Variants in SGCZ observed in about 807,000 individuals in gnomAD.
SGCZ encodes sarcoglycan zeta.
Under a neutral mutation model 41.3 loss-of-function variants are expected in SGCZ, and 40 were observed. The ratio of observed to expected loss-of-function variants is 0.97; its 90% CI spans 0.75 to 1.26. The LOEUF (loss-of-function observed/expected upper bound fraction) is 1.26. Among genes scored for constraint, SGCZ ranks in the 50% most tolerant of loss-of-function variants. The probability of loss-of-function intolerance (pLI) is 0.00; values close to 1 mark genes in which losing one functional copy is unlikely to be tolerated. For missense variants in SGCZ, 552 were observed against 369.8 expected, an observed-to-expected ratio of 1.49 and a Z score of -4.04; for synonymous variants, 206 against 137.5, an observed-to-expected ratio of 1.50 and a Z score of -3.49.
chr8:14,881,374 T>C (rs1804582215), intron 1 of SGCZ, among the ~76,000 whole-genome samples: 2 of 152,124 alleles, frequency 1.3e-5, no homozygotes, highest in Admixed American at 6.6e-5. Flanking sequence ...TCGACCCCCA[T>C]ACACCATGTC....
intron 4 of SGCZ, among the ~76,000 whole-genome samples, chr8:14,165,535 T>C (rs1228354516): frequency 6.6e-6 from 1 of 152,134 alleles, no homozygotes; most frequent in Non-Finnish European, 1.5e-5. Context: ...CAGTAATTCA[T>C]CTTCCCATAA....
At chr8:14,120,031 G>A (rs925213886) in intron 5 of SGCZ, among the ~76,000 whole-genome samples, 1 of 151,994 alleles carries the variant, frequency 6.6e-6, no homozygotes, top group African/African-American at 2.4e-5. Context: ...TTCTTTTTCT[G>A]TGTGTGTCTC....
At chr8:15,070,833 G>C (rs1805325340) in intron 1 of SGCZ, among the ~76,000 whole-genome samples, 1 of 152,162 alleles carries the variant, frequency 6.6e-6, no homozygotes, top group South Asian at 2.1e-4. Flanking sequence ...TAGTAGCATA[G>C]TAGAAAAAGC....
intron 5 of SGCZ, among the ~76,000 whole-genome samples, chr8:14,128,376 A>G (rs562026272): frequency 2.0e-5 from 3 of 152,246 alleles, no homozygotes; most frequent in Non-Finnish European, 4.4e-5. Context: ...ACCGTTCGGA[A>G]CAGCTACTAT....
At chr8:14,688,469 T>G (rs1808690238) in intron 1 of SGCZ, among the ~76,000 whole-genome samples, 1 of 152,158 alleles carries the variant, frequency 6.6e-6, no homozygotes, top group Non-Finnish European at 1.5e-5. Flanking sequence ...CCCCATTGCT[T>G]GTTTTTCTCA....
chr8:15,101,438 A>C (rs1439101149), intron 1 of SGCZ, among the ~76,000 whole-genome samples: 1 of 152,220 alleles, frequency 6.6e-6, no homozygotes, highest in Non-Finnish European at 1.5e-5. Context: ...AAAAACATGA[A>C]AAGATGTTAC....
At chr8:14,258,252 G>T (rs960015621) in intron 3 of SGCZ, among the ~76,000 whole-genome samples, 2 of 124,446 alleles carry the variant, frequency 1.6e-5, no homozygotes, top group Admixed American at 1.6e-4. Context: ...AACTAGGTCT[G>T]TCCTTGTGAG....
intron 1 of SGCZ, among the ~76,000 whole-genome samples, chr8:14,930,911 T>C (rs1034331196): frequency 6.6e-6 from 1 of 151,938 alleles, no homozygotes. Context: ...AAATACCTAC[T>C]TTAGATGACA....
At chr8:15,182,090 G>C (rs1800196931) in intron 1 of SGCZ, among the ~76,000 whole-genome samples, 1 of 152,114 alleles carries the variant, frequency 6.6e-6, no homozygotes, top group South Asian at 2.1e-4. Context: ...TCATGGAAGA[G>C]TAAATATCTT....
At chr8:14,201,015 T>C (rs1258934063) in intron 4 of SGCZ, among the ~76,000 whole-genome samples, 1 of 152,096 alleles carries the variant, frequency 6.6e-6, no homozygotes, top group East Asian at 1.9e-4. Context: ...GGTATGCAGA[T>C]GGAAAACAAA....
chr8:14,587,204 G>A (rs1046283744), intron 1 of SGCZ, among the ~76,000 whole-genome samples: 5 of 151,634 alleles, frequency 3.3e-5, no homozygotes, highest in African/African-American at 9.7e-5. Flanking sequence ...TTACACAATT[G>A]CTAAATGATA....
intron 2 of SGCZ, among the ~76,000 whole-genome samples, chr8:14,377,110 A>C (rs750662439): frequency 1.1e-4 from 17 of 152,212 alleles, no homozygotes; most frequent in Non-Finnish European, 2.4e-4. Flanking sequence ...GGTTGCAAGA[A>C]GAACGAACAA....
intron 2 of SGCZ, among the ~76,000 whole-genome samples, chr8:14,372,249 G>C (rs979584828): frequency 6.6e-6 from 1 of 152,126 alleles, no homozygotes; most frequent in Non-Finnish European, 1.5e-5. Context: ...CGAAACAGAA[G>C]TCTCTTAGTA....
intron 1 of SGCZ, among the ~76,000 whole-genome samples, chr8:14,928,335 A>G (rs1475768870): frequency 1.3e-5 from 2 of 152,184 alleles, no homozygotes; most frequent in Non-Finnish European, 2.9e-5. Context: ...TTTTGTTTCC[A>G]TAAATATGTC....
At chr8:14,517,099 G>A (rs1802645263) in intron 2 of SGCZ, among the ~76,000 whole-genome samples, 1 of 151,920 alleles carries the variant, frequency 6.6e-6, no homozygotes, top group Admixed American at 6.6e-5. Flanking sequence ...CAGATTTCTT[G>A]TACAAAACAA....
intron 5 of SGCZ, among the ~76,000 whole-genome samples, chr8:14,109,753 A>G (rs1253336994): frequency 6.6e-6 from 1 of 152,218 alleles, no homozygotes; most frequent in African/African-American, 2.4e-5. Context: ...TAATATAGCA[A>G]TACAGACCTT....
At chr8:14,524,285 G>C (rs78266707) in intron 2 of SGCZ, among the ~76,000 whole-genome samples, 3,478 of 151,898 alleles carry the variant, frequency 0.023, 99 homozygotes, top group East Asian at 0.066. Context: ...CTGATTCCTG[G>C]CAGGAGTGGA....
intron 1 of SGCZ, among the ~76,000 whole-genome samples, chr8:15,177,061 T>G (rs570062956): frequency 6.6e-6 from 1 of 152,352 alleles, no homozygotes; most frequent in South Asian, 2.1e-4. Context: ...TTAACACTTT[T>G]TTAATGTGTG....
At chr8:14,996,093 CG>C (rs1451580152) in intron 1 of SGCZ, among the ~76,000 whole-genome samples, 12 of 151,960 alleles carry the variant, frequency 7.9e-5, no homozygotes, top group African/African-American at 2.9e-4. Flanking sequence ...TTAGTAGAGA[CG>C]GGGTTTCACC....
Sources: gnomAD v4.1 joint callset for allele counts (sites outside exome capture counted in the v4.1 genomes callset) on GRCh38, gnomAD v4.1.1 for gene constraint, MANE v1.5 for transcripts, NCBI Gene and HGNC (gene_info 2026-07-23, HGNC 2026-07-21) for gene names.